NKAIN2: variants seen among roughly 807,000 people sequenced by gnomAD.
NKAIN2 encodes the protein sodium/potassium-transporting ATPase subunit beta-1-interacting protein 2.
Under a neutral mutation model 32.6 loss-of-function variants are expected in NKAIN2, and 14 were observed. The observed-to-expected ratio is 0.43, with a 90% CI of 0.28 to 0.67. NKAIN2 has a LOEUF of 0.67. Among genes scored for constraint, NKAIN2 ranks in the 30% least tolerant of loss-of-function variants. The probability of loss-of-function intolerance (pLI) is 0.17; values close to 1 mark genes in which losing one functional copy is unlikely to be tolerated. For missense variants in NKAIN2, 198 were observed against 258.3 expected (o/e 0.77, Z 1.60); for synonymous variants, 80 against 87.2 (o/e 0.92, Z 0.46).
intron 1 of NKAIN2, among the ~76,000 whole-genome samples, chr6:124,124,183 TA>T (rs1786034527): frequency 6.6e-6 from 1 of 152,198 alleles, no homozygotes. Context: ...GTTGAAACAT[TA>T]CACTGGAAAA....
intron 3 of NKAIN2, among the ~76,000 whole-genome samples, chr6:124,371,693 CAAAAAAAAAA>C (rs10679200): frequency 1.0e-5 from 1 of 95,788 alleles, no homozygotes; most frequent in Non-Finnish European, 2.0e-5. Flanking sequence ...GACTCTGTCT[CAAAAAAAAAA>C]AAAAAAAAAG....
rs1491070312 is a variant in NKAIN2 at position 124,670,643 on chromosome 6, TTC to T, written c.474+12259_474+12260del. ...CATTTACCTGAGATTAATCTTTGCT[TTC>T]TGTGTGTGTGTGTGTGTGTGTGTGT... On this transcript the variant is annotated intron_variant, in intron 4 of 6. Transcript: ENST00000368417. Among the ~76,000 whole-genome samples, 744 of 102,262 alleles carry T rather than the reference TTC, an allele frequency of 7.3e-3. 2 individuals are homozygous for T. Among genetic ancestry groups the T allele is most frequent in the Middle Eastern group, 0.018 (4 of 218 alleles). The allele number at this position is 102,262 out of a possible 152,430, so 67.1% of individuals were successfully genotyped here.
chr6:124,464,151 A>G (rs2114654746), intron 3 of NKAIN2, among the ~76,000 whole-genome samples: 1 of 152,048 alleles, frequency 6.6e-6, no homozygotes, highest in South Asian at 2.1e-4. Context: ...CCATGCCCGA[A>G]TAATTTTTGC....
At chr6:124,613,166 A>G (rs1343948669) in intron 3 of NKAIN2, among the ~76,000 whole-genome samples, 1 of 152,166 alleles carries the variant, frequency 6.6e-6, no homozygotes, top group Non-Finnish European at 1.5e-5. Context: ...TCTTGCAAGC[A>G]GAGTCCAATG....
chr6:124,114,747 A>G (rs1785532244), intron 1 of NKAIN2, among the ~76,000 whole-genome samples: 1 of 152,190 alleles, frequency 6.6e-6, no homozygotes. Flanking sequence ...AGTTTTCAAT[A>G]GAGAAGTAGT....
At chr6:124,336,522 G>T (rs1035677867) in intron 2 of NKAIN2, among the ~76,000 whole-genome samples, 3 of 152,112 alleles carry the variant, frequency 2.0e-5, no homozygotes, top group African/African-American at 7.2e-5. Flanking sequence ...TAGATCTAGA[G>T]CTCTGATAGC....
intron 1 of NKAIN2, among the ~76,000 whole-genome samples, chr6:123,884,419 G>A (rs912367717): frequency 6.6e-6 from 1 of 152,052 alleles, no homozygotes; most frequent in Non-Finnish European, 1.5e-5. Flanking sequence ...ACAAACATAG[G>A]AATAAAGTAG....
intron 3 of NKAIN2, among the ~76,000 whole-genome samples, chr6:124,618,818 G>A (rs1393381294): frequency 6.6e-6 from 1 of 152,138 alleles, no homozygotes; most frequent in East Asian, 1.9e-4. Context: ...TGTCAAGAAG[G>A]TATCTCATTA....
chr6:123,935,409 T>A (rs1776455841), intron 1 of NKAIN2, among the ~76,000 whole-genome samples: 1 of 151,602 alleles, frequency 6.6e-6, no homozygotes, highest in Admixed American at 6.6e-5. Context: ...CCAATGTGCA[T>A]GCATGTGATA....
intron 4 of NKAIN2, among the ~76,000 whole-genome samples, chr6:124,740,771 A>G: frequency 6.6e-6 from 1 of 151,928 alleles, no homozygotes; most frequent in South Asian, 2.1e-4. Context: ...ACAGTAGAGA[A>G]CAAATTTGGA....
chr6:124,150,580 C>T (rs6569377), intron 1 of NKAIN2, among the ~76,000 whole-genome samples: 123,857 of 152,054 alleles, frequency 0.81, 51,144 homozygotes, highest in Non-Finnish European at 0.88. Flanking sequence ...TTTATTTAAC[C>T]AGTTCCCTAA....
intron 3 of NKAIN2, among the ~76,000 whole-genome samples, chr6:124,581,401 T>G (rs967106785): frequency 5.4e-5 from 7 of 130,680 alleles, no homozygotes; most frequent in Non-Finnish European, 1.1e-4. Flanking sequence ...ATTGCGCCAC[T>G]GCAGTCCGCA....
At chr6:124,478,511 C>T (rs917138357) in intron 3 of NKAIN2, among the ~76,000 whole-genome samples, 1 of 152,172 alleles carries the variant, frequency 6.6e-6, no homozygotes, top group African/African-American at 2.4e-5. Flanking sequence ...CACACACGTG[C>T]ATGTGCACAC....
chr6:123,824,423 C>T (rs984521598), intron 1 of NKAIN2, among the ~76,000 whole-genome samples: 1 of 152,084 alleles, frequency 6.6e-6, no homozygotes, highest in Non-Finnish European at 1.5e-5. Flanking sequence ...AATTACATTA[C>T]CTAGTAAAAA....
chr6:124,680,941 T>G (rs912683874), intron 4 of NKAIN2, among the ~76,000 whole-genome samples: 1 of 151,934 alleles, frequency 6.6e-6, no homozygotes, highest in Admixed American at 6.6e-5. Context: ...TCTTAATATA[T>G]AAATAAAAAA....
At chr6:124,375,811 A>G (rs1051105863) in intron 3 of NKAIN2, among the ~76,000 whole-genome samples, 2 of 152,126 alleles carry the variant, frequency 1.3e-5, no homozygotes, top group African/African-American at 4.8e-5. Context: ...AAACACAGAA[A>G]TTATTTGTAG....
intron 1 of NKAIN2, among the ~76,000 whole-genome samples, chr6:124,094,960 G>A (rs1482055399): frequency 1.3e-5 from 2 of 152,056 alleles, no homozygotes; most frequent in Non-Finnish European, 2.9e-5. Flanking sequence ...TACAATCCAT[G>A]TAACTACGAA....
intron 1 of NKAIN2, among the ~76,000 whole-genome samples, chr6:123,945,777 T>C (rs235671): frequency 0.11 from 16,077 of 152,166 alleles, 2,290 homozygotes; most frequent in African/African-American, 0.32. Context: ...ATTCGTCAAT[T>C]GTGTCAAATT....
At chr6:124,639,530 AG>A (rs1783907020) in intron 3 of NKAIN2, among the ~76,000 whole-genome samples, 2 of 152,112 alleles carry the variant, frequency 1.3e-5, no homozygotes, top group Non-Finnish European at 2.9e-5. Flanking sequence ...GCTACTCAGG[AG>A]GCTGAGACAG....
Sources: gnomAD v4.1 joint callset for allele counts (sites outside exome capture counted in the v4.1 genomes callset) on GRCh38, gnomAD v4.1.1 for gene constraint, MANE v1.5 for transcripts, NCBI Gene and HGNC (gene_info 2026-07-23, HGNC 2026-07-21) for gene names.